ANO1: variants seen among roughly 807,000 people sequenced by gnomAD.
ANO1 encodes anoctamin 1, also known as anoctamin-1.
Under a neutral mutation model 124.0 loss-of-function variants are expected in ANO1, and 59 were observed. That is an observed-to-expected ratio of 0.48 (90% CI 0.39 to 0.59). The LOEUF is 0.59. Ranked by LOEUF, ANO1 falls within the 20% of genes least tolerant of loss-of-function variation. The pLI is 0.00. For missense variants in ANO1, 1,059 were observed against 1,328.0 expected (o/e 0.80, Z 3.15); for synonymous variants, 529 against 532.0 (o/e 0.99, Z 0.08).
chr11:69,981,797 C>T (rs1855962141), upstream of ANO1, among the ~76,000 whole-genome samples: 1 of 152,216 alleles, frequency 6.6e-6, no homozygotes, highest in Non-Finnish European at 1.5e-5. Context: ...AAATGGCTAT[C>T]CAAGAAGAAA....
At chr11:70,026,376 CAAT>C (rs1856908088) in intron 1 of ANO1, among the ~76,000 whole-genome samples, 1 of 138,462 alleles carries the variant, frequency 7.2e-6, no homozygotes, top group African/African-American at 2.8e-5. Flanking sequence ...GTGGTGATGA[CAAT>C]GATGATGATA....
chr11:69,993,103 A>C (rs1565155801), intron 1 of ANO1, among the ~76,000 whole-genome samples: 2 of 151,920 alleles, frequency 1.3e-5, no homozygotes, highest in Non-Finnish European at 2.9e-5. Context: ...AAACCCACAC[A>C]ACCCTGGGAA....
chr11:70,012,072 A>G (rs553088235), intron 1 of ANO1, among the ~76,000 whole-genome samples: 12 of 151,732 alleles, frequency 7.9e-5, no homozygotes, highest in African/African-American at 2.2e-4. Flanking sequence ...CCATTCATTC[A>G]TCTATCAATC....
chr11:69,998,325 C>G (rs1856313922), intron 1 of ANO1, among the ~76,000 whole-genome samples: 1 of 152,236 alleles, frequency 6.6e-6, no homozygotes, highest in African/African-American at 2.4e-5. Context: ...CCACCAATCC[C>G]CCCGCCCCAT....
At chr11:70,033,178 ATCT>A (rs1857034539) in intron 1 of ANO1, among the ~76,000 whole-genome samples, 1 of 152,034 alleles carries the variant, frequency 6.6e-6, no homozygotes, top group Admixed American at 6.5e-5. Context: ...GTTTCACTTG[ATCT>A]TCTCATCAGA....
intron 4 of ANO1, among the ~76,000 whole-genome samples, 197 bp downstream of exon 4, chr11:70,104,347 CA>C (rs1381854223): frequency 6.6e-6 from 1 of 152,188 alleles, no homozygotes; most frequent in Non-Finnish European, 1.5e-5. Flanking sequence ...TAGGGGGACA[CA>C]GCATCTTGTT....
chr11:70,146,677 G>A (rs991221515), intron 11 of ANO1, among the ~76,000 whole-genome samples: 12 of 152,174 alleles, frequency 7.9e-5, no homozygotes, highest in African/African-American at 2.9e-4. Flanking sequence ...GGATCAGTCT[G>A]AGTCCCAAAA....
intron 1 of ANO1, among the ~76,000 whole-genome samples, chr11:70,084,756 G>T (rs1254813260): frequency 2.0e-5 from 3 of 152,114 alleles, no homozygotes; most frequent in Non-Finnish European, 4.4e-5. Flanking sequence ...GTCTCTACTG[G>T]CCCTGCTTAA....
rs2044830618 is a variant in ANO1 at position 70,095,292 on chromosome 11, G to GA, written c.441+7210dup. On this transcript the variant is annotated intron_variant, in intron 2 of 25. Coordinates refer to ENST00000355303, the MANE Select transcript of ANO1 (RefSeq NM_018043.7). Reference sequence around the variant, plus strand: ...GGAAGGAAGGAAGGAAGGAAGGAAGGAAGGAAGGAAAGAAAGAAAGAAAGA... The same window carrying GA: ...GGAAGGAAGGAAGGAAGGAAGGAAGGAAAGGAAGGAAAGAAAGAAAGAAAGA... Among the ~76,000 whole-genome samples, 2 of 94,622 alleles carry GA rather than the reference G, an allele frequency of 2.1e-5. 1 individual carries two copies. Among genetic ancestry groups the GA allele is most frequent in the Non-Finnish European group, 4.6e-5 (2 of 43,578 alleles). The allele number at this position is 94,622 out of a possible 152,430, so 62.1% of individuals were successfully genotyped here. A position where few individuals can be genotyped will look rare whatever the true frequency, so the allele number is the denominator to read the frequency against.
intron 2 of ANO1, among the ~76,000 whole-genome samples, chr11:70,098,239 C>T (rs963666513): frequency 6.6e-6 from 1 of 152,216 alleles, no homozygotes; most frequent in African/African-American, 2.4e-5. Context: ...GAGGAAGCTG[C>T]AAACAGGGAA....
chr11:70,136,055 T>C (rs1193743646), intron 11 of ANO1, among the ~76,000 whole-genome samples: 1 of 152,194 alleles, frequency 6.6e-6, no homozygotes, highest in African/African-American at 2.4e-5. Context: ...TGCAAGGTCG[T>C]CCTTTGAGAG....
chr11:70,119,471 A>G (rs1201927285), intron 8 of ANO1, among the ~76,000 whole-genome samples: 1 of 132,104 alleles, frequency 7.6e-6, no homozygotes, highest in African/African-American at 2.9e-5. Context: ...CCGATGGAAG[A>G]ATGAATGATG....
At chr11:70,175,678 C>G (rs2048667536) in intron 22 of ANO1, among the ~76,000 whole-genome samples, 1 of 152,220 alleles carries the variant, frequency 6.6e-6, no homozygotes, top group African/African-American at 2.4e-5. Flanking sequence ...TGCATGTGGG[C>G]AGGAGTGGTG....
intron 1 of ANO1, among the ~76,000 whole-genome samples, chr11:70,052,871 A>T (rs1325331620): frequency 6.6e-6 from 1 of 152,160 alleles, no homozygotes; most frequent in Non-Finnish European, 1.5e-5. Flanking sequence ...ATTAATGGTT[A>T]TACTATATTG....
intron 6 of ANO1, 60 bp downstream of exon 6, chr11:70,108,464 G>C: frequency 6.4e-7 from 1 of 1,567,954 alleles, no homozygotes; most frequent in Non-Finnish European, 8.8e-7. Flanking sequence ...TCTCACCTCC[G>C]AGTCATCTCT....
At chr11:70,163,394 G>A in intron 19 of ANO1, 54 bp downstream of exon 19, 4 of 1,591,858 alleles carry the variant, frequency 2.5e-6, no homozygotes, top group Non-Finnish European at 3.4e-6. Flanking sequence ...CTTACGATTT[G>A]TCTACACCAT....
chr11:70,060,271 A>G (rs1172227661), intron 1 of ANO1, among the ~76,000 whole-genome samples: 4 of 152,160 alleles, frequency 2.6e-5, no homozygotes, highest in Non-Finnish European at 5.9e-5. Flanking sequence ...CTTGTTGGGA[A>G]GTGGTGGAGG....
chr11:69,992,176 T>C (rs1554997623), intron 1 of ANO1, among the ~76,000 whole-genome samples: 2 of 151,550 alleles, frequency 1.3e-5, no homozygotes, highest in East Asian at 1.9e-4. Context: ...GAATGGATGA[T>C]GGATGGATAG....
At chr11:70,041,357 C>T (rs1480984127) in intron 1 of ANO1, among the ~76,000 whole-genome samples, 3 of 152,168 alleles carry the variant, frequency 2.0e-5, no homozygotes, top group East Asian at 3.8e-4. Context: ...CGATATTTCA[C>T]ATCTGGGTTT....
Sources: allele counts gnomAD v4.1 joint callset (sites outside exome capture counted in the v4.1 genomes callset), GRCh38; gene constraint gnomAD v4.1.1; transcripts MANE v1.5; gene names NCBI Gene and HGNC (gene_info 2026-07-23, HGNC 2026-07-21).